Variants in MED12L observed in about 807,000 individuals in gnomAD.
MED12L encodes mediator complex subunit 12L.
In MED12L, 60 loss-of-function variants were observed where a neutral mutation model predicts 281.3. That is an observed-to-expected ratio of 0.21 (90% CI 0.17 to 0.26). The LOEUF is 0.26. Ranked by LOEUF, MED12L falls within the 10% of genes least tolerant of loss-of-function variation. The pLI, the probability that MED12L is intolerant of heterozygous loss-of-function variation, is 1.00. For synonymous variants in MED12L, 974 were observed against 987.2 expected (o/e 0.99, Z 0.25); for missense variants, 2,146 against 2,680.9 (o/e 0.80, Z 4.41).
chr3:151,300,105 C>G, intron 16 of MED12L: 1 of 1,603,032 alleles, frequency 6.2e-7, no homozygotes, highest in Admixed American at 1.7e-5. Context: ...CCCCATTCTT[C>G]AGTTGTGATG....
chr3:151,174,684 G>A (rs1031760158), intron 11 of MED12L, among the ~76,000 whole-genome samples: 10 of 152,138 alleles, frequency 6.6e-5, no homozygotes, highest in African/African-American at 2.2e-4. Flanking sequence ...TTTTGGAAAT[G>A]TATATATGCA....
chr3:151,378,420 T>C (rs1376420599), intron 31 of MED12L, among the ~76,000 whole-genome samples: 1 of 152,188 alleles, frequency 6.6e-6, no homozygotes, highest in African/African-American at 2.4e-5. Context: ...AAACAGTGAT[T>C]TCCGAGACCC....
At chr3:151,135,445 G>A (rs1051226532) in intron 5 of MED12L, among the ~76,000 whole-genome samples, 3 of 152,246 alleles carry the variant, frequency 2.0e-5, no homozygotes, top group Non-Finnish European at 2.9e-5. Flanking sequence ...TTACCAGCCA[G>A]TATTTATTGA....
chr3:151,094,909 T>C (rs1374284239), intron 2 of MED12L, among the ~76,000 whole-genome samples: 6 of 152,192 alleles, frequency 3.9e-5, no homozygotes, highest in Non-Finnish European at 8.8e-5. Flanking sequence ...AGAGCCCCTT[T>C]AGGTGGTGCC....
intron 2 of MED12L, among the ~76,000 whole-genome samples, chr3:151,087,533 C>T (rs1467991430): frequency 3.3e-5 from 5 of 152,192 alleles, no homozygotes. Context: ...AAATATTTAG[C>T]TCTCTGAATA....
chr3:151,344,650 A>G (rs1044100547), intron 16 of MED12L, among the ~76,000 whole-genome samples: 1 of 152,218 alleles, frequency 6.6e-6, no homozygotes, highest in Admixed American at 6.5e-5. Flanking sequence ...TGCAAAAATT[A>G]GGAAGTACTG....
intron 16 of MED12L, among the ~76,000 whole-genome samples, chr3:151,246,974 C>G (rs1204547270): frequency 6.6e-6 from 1 of 152,194 alleles, no homozygotes; most frequent in Non-Finnish European, 1.5e-5. Flanking sequence ...CGAACAGACA[C>G]TTCTCAAAAG....
intron 5 of MED12L, among the ~76,000 whole-genome samples, chr3:151,132,232 A>G (rs1379898403): frequency 6.6e-6 from 1 of 152,202 alleles, no homozygotes; most frequent in Non-Finnish European, 1.5e-5. Flanking sequence ...TTTGGGCTTT[A>G]CTTTTATCAG....
At chr3:151,319,468 C>CGTGTGTGTGTGT (rs34335179) in intron 16 of MED12L, among the ~76,000 whole-genome samples, 148 of 145,650 alleles carry the variant, frequency 1.0e-3, no homozygotes, top group African/African-American at 3.4e-3. Flanking sequence ...TGTGTGTGTG[C>CGTGTGTGTGTGT]GTGTGTGTGT....
At chr3:151,116,861 C>T (rs991879589) in intron 3 of MED12L, among the ~76,000 whole-genome samples, 1 of 152,142 alleles carries the variant, frequency 6.6e-6, no homozygotes, top group Non-Finnish European at 1.5e-5. Context: ...GCCAGTTTGC[C>T]CTACTATTGG....
chr3:151,290,148 A>G (rs1374155361), intron 16 of MED12L, among the ~76,000 whole-genome samples: 1 of 152,166 alleles, frequency 6.6e-6, no homozygotes, highest in Non-Finnish European at 1.5e-5. Context: ...GGCCTCCCAA[A>G]GTGCTAGGAT....
intron 16 of MED12L, among the ~76,000 whole-genome samples, chr3:151,253,230 A>G (rs907643408): frequency 3.3e-5 from 5 of 152,162 alleles, no homozygotes; most frequent in African/African-American, 4.8e-5. Context: ...AAGCCAACAA[A>G]TATGGAGAGT....
chr3:151,264,910 T>C (rs186760679), intron 16 of MED12L, among the ~76,000 whole-genome samples: 412 of 151,976 alleles, frequency 2.7e-3, no homozygotes, highest in African/African-American at 9.4e-3. Context: ...GCCCTTCTCT[T>C]GTAGCCACAC....
At chr3:151,309,192 A>G (rs1224192308) in intron 16 of MED12L, among the ~76,000 whole-genome samples, 4 of 151,538 alleles carry the variant, frequency 2.6e-5, no homozygotes, top group Non-Finnish European at 4.4e-5. Flanking sequence ...ACTTCAGTGA[A>G]TTTATCAACT....
At position 151,159,545 on chromosome 3, in the gene MED12L, T is replaced by G. The variant is rs533940531; in HGVS notation, c.838-287T>G. Among the ~76,000 whole-genome samples, 4 of 152,362 alleles carry G rather than the reference T, an allele frequency of 2.6e-5. No homozygotes were observed. The East Asian group carries it at 7.7e-4, about 29-fold the overall frequency. On this transcript the variant is annotated intron_variant, in intron 7 of 44. Transcript: ENST00000687756. ...AGACTTAGTATGGAAAAGTGTATAA[T>G]AGTAATACTTTTTATGTTGATTACC...
intron 43 of MED12L, among the ~76,000 whole-genome samples, chr3:151,424,310 T>C (rs1329322579): frequency 6.6e-6 from 1 of 152,234 alleles, no homozygotes; most frequent in Non-Finnish European, 1.5e-5. Context: ...ACTTTTTTCT[T>C]ACTAAACTGT....
In MED12L at chr3:151,190,845, T is replaced by C; in HGVS notation, c.1882T>C (p.Ser628Pro). 6.2e-7 allele frequency: 1 copy of C among 1,614,144 alleles called. No homozygotes were observed. The highest frequency in any genetic ancestry group is 8.5e-7 in the Non-Finnish European group (1 of 1,180,030). Reference sequence around the variant, plus strand: ...TACCCTCATATCTCGAGGAGATTTGTCAGTCACTGCCTCAACTCGGCCGCG... The same window carrying C: ...TACCCTCATATCTCGAGGAGATTTGCCAGTCACTGCCTCAACTCGGCCGCG... ...MCTLISRGDL[S>P]VTASTRPRSP... Residue 628 changes from serine (S) to proline (P), a missense_variant, in exon 14 of 45, where the codon TCA (serine) becomes CCA (proline). Around this residue, in one of 9 missense-constraint regions of MED12L, gnomAD observed 722 missense variants for 861.2 expected, o/e 0.84. Transcript: ENST00000687756.
intron 39 of MED12L, among the ~76,000 whole-genome samples, chr3:151,408,774 T>A (rs1342923084): frequency 6.6e-6 from 1 of 152,278 alleles, no homozygotes. Flanking sequence ...ATTCCTTGAA[T>A]ATCTGGCTAA....
At chr3:151,112,830 A>G (rs1008312724) in intron 2 of MED12L, among the ~76,000 whole-genome samples, 2 of 152,222 alleles carry the variant, frequency 1.3e-5, no homozygotes, top group Admixed American at 6.5e-5. Flanking sequence ...CTCCAAATTC[A>G]TGAGGTAGTG....
Sources: gnomAD v4.1 joint callset for allele counts (sites outside exome capture counted in the v4.1 genomes callset) on GRCh38, gnomAD v4.1.1 for gene constraint, gnomAD v4.1.1 regional missense constraint, MANE v1.5 for transcripts, NCBI Gene and HGNC (gene_info 2026-07-23, HGNC 2026-07-21) for gene names.